RACGAP1: variants seen among roughly 807,000 people sequenced by gnomAD.
RACGAP1 encodes the protein rac GTPase-activating protein 1.
A neutral mutation model predicts 78.1 loss-of-function variants in RACGAP1; 30 were observed. The ratio of observed to expected loss-of-function variants is 0.38; its 90% CI spans 0.29 to 0.52. The LOEUF is 0.52. Among genes scored for constraint, RACGAP1 ranks in the 20% least tolerant of loss-of-function variants. The pLI is 0.82. For synonymous variants in RACGAP1, 231 were observed against 264.8 expected, an observed-to-expected ratio of 0.87 and a Z score of 1.24; for missense variants, 587 against 777.1, an observed-to-expected ratio of 0.76 and a Z score of 2.91.
intron 2 of RACGAP1, among the ~76,000 whole-genome samples, chr12:50,011,313 G>A (rs1277690783): frequency 3.5e-5 from 5 of 141,608 alleles, no homozygotes; most frequent in African/African-American, 5.3e-5. Context: ...CAACCTGGGC[G>A]ACAGAGTGAG....
Position 49,999,203 on chromosome 12 carries a change from C to T in RACGAP1, c.817G>A (p.Asp273Asn), listed in dbSNP as rs775289695. Residue 273 changes from aspartate to asparagine, a missense_variant, in exon 9 of 17, where the codon GAC (aspartate) becomes AAC (asparagine). Asp to Asn is a conservative substitution (Grantham distance 23). Coordinates refer to ENST00000312377, the MANE Select transcript of RACGAP1 (RefSeq NM_001319999.2). ...SRQLEPRTET[D>N]SVGTPQSNGG... is the part of the protein sequence containing the mutation. ...TTACTCTGTGGCGTGCCCACACTGT[C>T]TGTCTCAGTTCTTGGCTCCAGCTGC... The T allele has an allele frequency of 6.8e-6, 11 of 1,614,030 alleles. No individual in the cohort carries two copies. Among genetic ancestry groups the T allele is most frequent in the Middle Eastern group, 1.7e-4 (1 of 6,052 alleles).
intron 2 of RACGAP1, among the ~76,000 whole-genome samples, chr12:50,009,519 C>G (rs1263832211): frequency 6.6e-6 from 1 of 151,810 alleles, no homozygotes; most frequent in South Asian, 2.1e-4. Context: ...TTCCATTTGC[C>G]TTCCCTACTA....
intron 7 of RACGAP1, among the ~76,000 whole-genome samples, chr12:50,000,791 T>C (rs982366294): frequency 1.3e-5 from 2 of 152,222 alleles, no homozygotes; most frequent in African/African-American, 4.8e-5. Context: ...GGCTCACGCC[T>C]GTAATCCCAG....
At chr12:49,991,479 A>ATATATATATATTTTTTTT (rs1555169074) in intron 15 of RACGAP1, among the ~76,000 whole-genome samples, 1 of 24,090 alleles carries the variant, frequency 4.2e-5, no homozygotes, top group African/African-American at 1.4e-4. Context: ...ATATATATAT[A>ATATATATATATTTTTTTT]TTTTTTTTTT....
upstream of RACGAP1, among the ~76,000 whole-genome samples, chr12:50,026,256 GC>G (rs977566596): frequency 1.3e-4 from 19 of 151,938 alleles, no homozygotes; most frequent in African/African-American, 4.6e-4. Flanking sequence ...ACAACGCATG[GC>G]TACCCGCAAT....
chr12:50,018,734 G>T, intron 1 of RACGAP1: 1 of 301,510 alleles, frequency 3.3e-6, no homozygotes, highest in Non-Finnish European at 6.0e-6. Context: ...ATTCAAAAAG[G>T]AAAATTTCAT....
chr12:50,027,999 A>G (rs1396400601), upstream of RACGAP1, among the ~76,000 whole-genome samples: 1 of 152,178 alleles, frequency 6.6e-6, no homozygotes, highest in African/African-American at 2.4e-5. Context: ...GTAGGATGAG[A>G]CCACACTAGG....
chr12:49,989,680 G>A lies in RACGAP1; in HGVS notation c.*588C>T, dbSNP rs1243102400. 3 of 152,184 alleles carry A rather than the reference G, an allele frequency of 2.0e-5. No individual in the cohort carries two copies. The highest frequency in any genetic ancestry group is 4.4e-5 in the Non-Finnish European group (3 of 68,102). 9.4% of individuals were successfully genotyped at this position (152,184 alleles called of 1,614,324 possible). ...ACCTAATCATCCAAATCAAAGCTAC[G>A]CATACTCCCATCACTAGTTCTGTCC... On this transcript the variant is annotated 3_prime_UTR_variant, in exon 17 of 17. Transcript: ENST00000312377.
intron 16 of RACGAP1, among the ~76,000 whole-genome samples, 168 bp from the exon 17 acceptor site, chr12:49,990,511 TAA>T (rs1294314934): frequency 6.6e-6 from 1 of 152,204 alleles, no homozygotes; most frequent in Non-Finnish European, 1.5e-5. Context: ...GGGGAAATAG[TAA>T]AGACTTTCAG....
intron 12 of RACGAP1, 80 bp from the exon 13 acceptor site, chr12:49,992,735 C>T: frequency 9.8e-7 from 1 of 1,023,072 alleles, no homozygotes; most frequent in South Asian, 1.5e-5. Context: ...ACCACAAAGT[C>T]TCATCTATAC....
At chr12:50,016,309 G>C (rs1247982974) in intron 2 of RACGAP1, among the ~76,000 whole-genome samples, 1 of 152,034 alleles carries the variant, frequency 6.6e-6, no homozygotes, top group Non-Finnish European at 1.5e-5. Flanking sequence ...TTGAACCCGG[G>C]GAGCAGAGGT....
chr12:50,002,350 T>A (rs1028741925), intron 5 of RACGAP1, 50 bp from the exon 6 acceptor site: 1 of 1,493,074 alleles, frequency 6.7e-7, no homozygotes, highest in Admixed American at 1.9e-5. Flanking sequence ...AGGCCATCCC[T>A]AAACCCTGTG....
upstream of RACGAP1, among the ~76,000 whole-genome samples, chr12:50,029,596 T>TA (rs890213566): frequency 6.7e-6 from 1 of 149,686 alleles, no homozygotes. Context: ...TTAATTTAAT[T>TA]AAAAAAAAAT....
rs1341107757 is a variant in RACGAP1 at position 49,989,625 on chromosome 12, A to T, written c.*643T>A. On this transcript the variant is annotated 3_prime_UTR_variant, in exon 17 of 17. Transcript: ENST00000312377. Reference sequence around the variant, plus strand: ...AAATACGAGTTGTACTTTCACATTTACAAGGTTGTGCCACTCAACACTATT... The same window carrying T: ...AAATACGAGTTGTACTTTCACATTTTCAAGGTTGTGCCACTCAACACTATT... 1 of 152,238 alleles carries T rather than the reference A, an allele frequency of 6.6e-6. No individual in the cohort carries two copies. The highest frequency in any genetic ancestry group is 1.5e-5 in the Non-Finnish European group (1 of 68,040). The allele number at this position is 152,238 out of a possible 1,614,324, so 9.4% of individuals were successfully genotyped here.
In RACGAP1 at chr12:49,992,069, T is replaced by A; in HGVS notation, c.1643A>T (p.Glu548Val). ...YWSQFMMVEQ[E>V]NIDPLHVIEN... is the part of the protein sequence containing the mutation. ...AATGACATGTAGGGGGTCAATGTTC[T>A]CTTGCTCCACCATCATGAACTGACT... is the stretch of plus-strand genomic sequence containing the variant. The change falls in exon 15 of 17, where the codon GAG becomes GTG. Residue 548 changes from glutamate to valine, a missense_variant. Physicochemically the swap from Glu to Val is moderately radical, Grantham distance 121. Transcript: ENST00000312377. The A allele has an allele frequency of 6.2e-7, 1 of 1,614,174 alleles. No individual in the cohort carries two copies. Among genetic ancestry groups the A allele is most frequent in the Non-Finnish European group, 8.5e-7 (1 of 1,180,036 alleles).
intron 12 of RACGAP1, 62 bp from the exon 13 acceptor site, chr12:49,992,717 A>C: frequency 1.5e-6 from 2 of 1,308,610 alleles, no homozygotes; most frequent in Non-Finnish European, 2.2e-6. Context: ...CGGGCTTCCA[A>C]GTTATCGACC....
At chr12:50,018,625 T>C in intron 1 of RACGAP1, 1 of 1,137,212 alleles carries the variant, frequency 8.8e-7, no homozygotes, top group East Asian at 5.8e-5. Context: ...TCAGTAGTTT[T>C]AATATAAGGT....
At position 50,007,622 on chromosome 12, in the gene RACGAP1, T is replaced by G. The variant is rs571579542; in HGVS notation, c.86-986A>C. 2.6e-5 allele frequency among the ~76,000 whole-genome samples: 4 copies of G among 152,334 alleles called. No homozygotes were observed. In the East Asian group the frequency reaches 7.7e-4, roughly 29 times the overall value. The stretch of plus-strand genomic sequence containing the variant: ...AGGTAGTAAGGGCACTTTTCCCCTA[T>G]GAATTTAACCTAAAAGCATAGAAAC... On this transcript the variant is annotated intron_variant, in intron 2 of 16. Coordinates refer to ENST00000312377, the MANE Select transcript of RACGAP1 (RefSeq NM_001319999.2).
intron 2 of RACGAP1, among the ~76,000 whole-genome samples, chr12:50,015,851 T>C (rs115454983): frequency 0.013 from 1,969 of 150,974 alleles, 41 homozygotes; most frequent in African/African-American, 0.046. Context: ...TTTTTTAAAG[T>C]AGCTGGGCAT....
Sources: gnomAD v4.1 joint callset for allele counts (sites outside exome capture counted in the v4.1 genomes callset) on GRCh38, gnomAD v4.1.1 for gene constraint, MANE v1.5 for transcripts, NCBI Gene and HGNC (gene_info 2026-07-23, HGNC 2026-07-21) for gene names.